COL23A1: variants seen among roughly 807,000 people sequenced by gnomAD.
The protein encoded by COL23A1 is collagen alpha-1(XXIII) chain.
COL23A1 carries 97 observed loss-of-function variants against 99.3 expected under a neutral mutation model. That is an observed-to-expected ratio of 0.98 (90% CI 0.83 to 1.16). The LOEUF (loss-of-function observed/expected upper bound fraction) is 1.16, where lower values mean the gene tolerates loss of function less well. Among genes scored for constraint, COL23A1 ranks in the 50% most tolerant of loss-of-function variants. The pLI, the probability that COL23A1 is intolerant of heterozygous loss-of-function variation, is 0.00. For missense variants in COL23A1, 762 were observed against 757.4 expected (o/e 1.01, Z -0.07); for synonymous variants, 320 against 308.2 (o/e 1.04, Z -0.40).
chr5:178,450,249 G>A lies in COL23A1; in HGVS notation c.361+110433C>T, dbSNP rs546362437. 5.7e-5 allele frequency among the ~76,000 whole-genome samples: 8 copies of A among 139,596 alleles called. 1 individual carries two copies. In the East Asian group the frequency reaches 9.8e-4, roughly 17 times the overall value. 91.6% of individuals were successfully genotyped at this position (139,596 alleles called of 152,430 possible). ...GCAGGGCTCTAACTGCTGGTTGTCC[G>A]CAAGGATCGTTTTCCCCTTCTTCTA... On this transcript the variant is annotated intron_variant, in intron 2 of 28. Coordinates refer to ENST00000390654, the MANE Select transcript of COL23A1 (RefSeq NM_173465.4).
chr5:178,353,548 G>A (rs550975916), intron 2 of COL23A1, among the ~76,000 whole-genome samples: 56 of 152,328 alleles, frequency 3.7e-4, no homozygotes, highest in African/African-American at 1.2e-3. Flanking sequence ...AAAAGGAAAC[G>A]TAAGTTTCTC....
rs1765091809 is a variant in COL23A1, at chr5:178,252,564, G to A, written c.994C>T (p.Pro332Ser). The stretch of plus-strand genomic sequence containing the variant: ...CTGACCTTGGCTCCAGGGATCCCTG[G>A]TGGCCCTGGGGGCCCCTGTGGTCCG... ...PPGPQGPPGP[P>S]GIPGAKGELG... Residue 332 changes from proline to serine, a missense_variant, in exon 17 of 29, where the codon CCA becomes TCA. Physicochemically the swap from Pro to Ser is moderately conservative, Grantham distance 74. Transcript: ENST00000390654. The A allele has an allele frequency of 1.2e-6, 2 of 1,612,022 alleles. No individual in the cohort carries two copies. The highest frequency in any genetic ancestry group is 4.5e-5 in the East Asian group (2 of 44,818).
chr5:178,354,839 C>T (rs1391676875), intron 2 of COL23A1, among the ~76,000 whole-genome samples: 1 of 152,058 alleles, frequency 6.6e-6, no homozygotes, highest in African/African-American at 2.4e-5. Context: ...GATGGATTGC[C>T]TGAGCTCAGG....
At position 178,459,964 on chromosome 5, in the gene COL23A1, T is replaced by A. The variant is rs2647693; in HGVS notation, c.361+100718A>T. ...AATTCAATACGATGTTAATAACAAC[T>A]GTTATCTCTTTATGGTGGTATAATG... On this transcript the variant is annotated intron_variant, in intron 2 of 28. Transcript: ENST00000390654. Among the ~76,000 whole-genome samples the A allele has an allele frequency of 2.1e-3, 325 of 152,138 alleles. 2 individuals carry two copies. Among genetic ancestry groups the A allele is most frequent in the African/African-American group, 7.6e-3 (315 of 41,486 alleles).
At chr5:178,547,167 C>T (rs554271466) in intron 2 of COL23A1, among the ~76,000 whole-genome samples, 11 of 152,166 alleles carry the variant, frequency 7.2e-5, no homozygotes, top group East Asian at 1.9e-4. Flanking sequence ...AATACATTTC[C>T]GTGACACTGA....
At chr5:178,558,245 C>T (rs1762386066) in intron 2 of COL23A1, among the ~76,000 whole-genome samples, 1 of 152,086 alleles carries the variant, frequency 6.6e-6, no homozygotes, top group Non-Finnish European at 1.5e-5. Flanking sequence ...CTGGCTTTAA[C>T]TTATACCTTC....
At chr5:178,548,039 C>A (rs147058402) in intron 2 of COL23A1, among the ~76,000 whole-genome samples, 2 of 80,172 alleles carry the variant, frequency 2.5e-5, no homozygotes, top group Non-Finnish European at 5.1e-5. Context: ...ACACACCCAC[C>A]CCCACACCCA....
rs182092048 is a variant in COL23A1 at position 178,280,805 on chromosome 5, T to C, written c.441+7519A>G. On this transcript the variant is annotated intron_variant, in intron 5 of 28. Transcript: ENST00000390654. The surrounding 1 kb of genome is among the most constrained non-coding windows in gnomAD (Gnocchi z 4.9). ...CTAAGTCTCCTCCCAGAGCTAGGTG[T>C]GGACAGGAGGTACCTGGGCTGCTGC... is the stretch of plus-strand genomic sequence containing the variant. 1.3e-5 allele frequency among the ~76,000 whole-genome samples: 2 copies of C among 152,222 alleles called. No homozygotes were observed. The highest frequency in any genetic ancestry group is 2.9e-5 in the Non-Finnish European group (2 of 67,994).
Position 178,239,168 on chromosome 5 carries a change from C to A in COL23A1, c.1593G>T (p.Gly531=). 1 of 1,614,118 alleles carries A rather than the reference C, an allele frequency of 6.2e-7. No homozygotes were observed. Among genetic ancestry groups the A allele is most frequent in the Non-Finnish European group, 8.5e-7 (1 of 1,179,992 alleles). ...LDQPCPVGPD[G]LPVPGCWHK ...TATGCCAGCAGCCAGGCACAGGCAG[C>A]CCGTCGGGGCCCTGGAAAGGAAGAA... is the stretch of plus-strand genomic sequence containing the variant. Residue 531 remains glycine, a synonymous_variant, in exon 28 of 29, where the codon GGG becomes GGT. Transcript: ENST00000390654.
chr5:178,414,494 C>T (rs985677249), intron 2 of COL23A1, among the ~76,000 whole-genome samples: 9 of 151,884 alleles, frequency 5.9e-5, no homozygotes, highest in Admixed American at 2.0e-4. Flanking sequence ...CAACCAGGGC[C>T]GGTGTGGTGG....
chr5:178,424,319 T>C (rs1382599568), intron 2 of COL23A1, among the ~76,000 whole-genome samples: 1 of 152,232 alleles, frequency 6.6e-6, no homozygotes, highest in Non-Finnish European at 1.5e-5. Flanking sequence ...GCATTGGGCA[T>C]GGAATGTCGT....
rs929700689 is a variant in COL23A1, at chr5:178,544,091, G to A, written c.361+16591C>T. Among the ~76,000 whole-genome samples the A allele has an allele frequency of 3.9e-5, 6 of 151,958 alleles. No individual in the cohort carries two copies. The highest frequency in any genetic ancestry group is 1.5e-4 in the African/African-American group (6 of 41,368). ...TTAGGATTTCAACATATGACTTTGG[G>A]ACACAAGATTCAGTCCACAGCATAA... is the stretch of plus-strand genomic sequence containing the variant. On this transcript the variant is annotated intron_variant, in intron 2 of 28. Transcript: ENST00000390654. This position sits in a 1 kb window ranked among gnomAD's most constrained non-coding sequence, Gnocchi z 4.4.
At position 178,545,075 on chromosome 5, in the gene COL23A1, T is replaced by C. The variant is rs141517922; in HGVS notation, c.361+15607A>G. Among the ~76,000 whole-genome samples, 257 of 151,378 alleles carry C rather than the reference T, an allele frequency of 1.7e-3. 1 individual carries two copies. Among genetic ancestry groups the C allele is most frequent in the African/African-American group, 5.9e-3 (244 of 41,138 alleles). On this transcript the variant is annotated intron_variant, in intron 2 of 28. Transcript: ENST00000390654. ...CTCCAGCCTGGGCAACCGAGTGAGA[T>C]CCTGACTCTAAGGAAACAATAACAA...
intron 2 of COL23A1, among the ~76,000 whole-genome samples, chr5:178,489,732 C>T (rs937031052): frequency 1.3e-5 from 2 of 152,216 alleles, no homozygotes; most frequent in African/African-American, 2.4e-5. Flanking sequence ...CAGCTTCTTG[C>T]ACCTCACCAC....
rs1019994980 is a variant in COL23A1 at position 178,350,796 on chromosome 5, C to G, written c.362-43877G>C. 2.6e-5 allele frequency: 4 copies of G among 152,388 alleles called. No individual in the cohort carries two copies. In the East Asian group the frequency reaches 7.7e-4, roughly 29 times the overall value. 9.4% of individuals were successfully genotyped at this position (152,388 alleles called of 1,614,324 possible). On this transcript the variant is annotated intron_variant, in intron 2 of 28. Coordinates refer to ENST00000390654, the MANE Select transcript of COL23A1 (RefSeq NM_173465.4). ...CCCCTGGCCTTGACTGAAGCTGCGT[C>G]ACTTTTCTTGTCCGAGGGCCTTTCC...
At chr5:178,402,053 T>C (rs1581314999) in intron 2 of COL23A1, among the ~76,000 whole-genome samples, 1 of 152,178 alleles carries the variant, frequency 6.6e-6, no homozygotes, top group South Asian at 2.1e-4. Flanking sequence ...TGACCTCAGG[T>C]GATCCGCCCA....
chr5:178,578,133 ATG>A (rs1461205534), intron 1 of COL23A1, among the ~76,000 whole-genome samples: 1 of 116,872 alleles, frequency 8.6e-6, no homozygotes, highest in East Asian at 5.2e-4. Context: ...ACACACACAC[ATG>A]CATGCACACA....
intron 2 of COL23A1, among the ~76,000 whole-genome samples, chr5:178,498,245 T>TAG (rs1758324211): frequency 1.6e-5 from 1 of 61,290 alleles, no homozygotes; most frequent in African/African-American, 1.2e-4. Flanking sequence ...TATATATATA[T>TAG]ATATATATAT....
chr5:178,366,311 G>A lies in COL23A1; in HGVS notation c.362-59392C>T, dbSNP rs529811473. Among the ~76,000 whole-genome samples the A allele has an allele frequency of 6.6e-6, 1 of 152,196 alleles. No individual in the cohort carries two copies. The highest frequency in any genetic ancestry group is 1.5e-5 in the Non-Finnish European group (1 of 68,020). The stretch of plus-strand genomic sequence containing the variant: ...CGAGGTTCCCTCTGCACCCCACGAT[G>A]GGCGCTGCGTCCTCCATCCTCTGGT... On this transcript the variant is annotated intron_variant, in intron 2 of 28. Coordinates refer to ENST00000390654, the MANE Select transcript of COL23A1 (RefSeq NM_173465.4). This position sits in a 1 kb window ranked among gnomAD's most constrained non-coding sequence, Gnocchi z 4.4.
Sources: allele counts gnomAD v4.1 joint callset (sites outside exome capture counted in the v4.1 genomes callset), GRCh38; gene constraint gnomAD v4.1.1; non-coding constraint Gnocchi (gnomAD v3.1); transcripts MANE v1.5; gene names NCBI Gene and HGNC (gene_info 2026-07-23, HGNC 2026-07-21).